The following SRGAP3 variants were observed in gnomAD, a reference collection of about 807,000 sequenced individuals.
SRGAP3 encodes the protein SLIT-ROBO Rho GTPase activating protein 3, also known as SLIT-ROBO Rho GTPase-activating protein 3.
SRGAP3 carries 39 observed loss-of-function variants against 121.1 expected under a neutral mutation model. The ratio of observed to expected loss-of-function variants is 0.32; its 90% confidence interval spans 0.25 to 0.42. SRGAP3 has a LOEUF of 0.42. Ranked by LOEUF, SRGAP3 falls within the 10% of genes least tolerant of loss-of-function variation. The pLI, the probability that SRGAP3 is intolerant of heterozygous loss-of-function variation, is 1.00. For synonymous variants in SRGAP3, 601 were observed against 570.0 expected (o/e 1.05, Z -0.77); for missense variants, 1,213 against 1,470.6 (o/e 0.82, Z 2.86).
At chr3:8,995,996 T>C (rs188981472) in intron 18 of SRGAP3, among the ~76,000 whole-genome samples, 4 of 152,334 alleles carry the variant, frequency 2.6e-5, no homozygotes, top group African/African-American at 9.6e-5. Flanking sequence ...TCTTCATCGA[T>C]CTATTCATCC....
At chr3:9,232,720 T>C (rs1953260349) in intron 1 of SRGAP3, among the ~76,000 whole-genome samples, 1 of 152,162 alleles carries the variant, frequency 6.6e-6, no homozygotes, top group South Asian at 2.1e-4. Context: ...AAATGCAGAT[T>C]CCCAGGGTCC....
At chr3:9,058,990 T>A (rs1219453745) in intron 6 of SRGAP3, 1 of 170,092 alleles carries the variant, frequency 5.9e-6, no homozygotes, top group Non-Finnish European at 1.3e-5. Context: ...AGTGCTCAGA[T>A]TACAAGCGTG....
chr3:9,142,640 A>G (rs1026894502), intron 1 of SRGAP3, among the ~76,000 whole-genome samples: 3 of 152,096 alleles, frequency 2.0e-5, no homozygotes, highest in Non-Finnish European at 4.4e-5. Flanking sequence ...TGCTCTGGCA[A>G]TAATTCTTTG....
In SRGAP3 at chr3:9,287,293, C is replaced by A. The variant is rs141541531; in HGVS notation, n.442+38717G>T. On this transcript the variant is annotated intron_variant and non_coding_transcript_variant, in intron 3 of 3. Transcript: ENST00000490889. ...AGGCGTGAACCACCACACCCCAGCACATTAACACTCTTTTGATCCTCATTT... is the reference window on the plus strand; with the variant it reads ...AGGCGTGAACCACCACACCCCAGCAAATTAACACTCTTTTGATCCTCATTT... 5.8e-4 allele frequency among the ~76,000 whole-genome samples: 88 copies of A among 152,226 alleles called. 3 individuals are homozygous for A. The highest frequency in any genetic ancestry group is 5.9e-5 in the Non-Finnish European group (4 of 68,002).
At chr3:9,179,524 T>C (rs1951301286) in intron 1 of SRGAP3, among the ~76,000 whole-genome samples, 1 of 152,066 alleles carries the variant, frequency 6.6e-6, no homozygotes, top group South Asian at 2.1e-4. Flanking sequence ...TCAGATGCCA[T>C]CACCAATGGA....
intron 1 of SRGAP3, among the ~76,000 whole-genome samples, chr3:9,135,623 C>T (rs1272224295): frequency 6.6e-6 from 1 of 152,254 alleles, no homozygotes; most frequent in Non-Finnish European, 1.5e-5. Context: ...CTTCTCTGAG[C>T]TGTCTTCGGA....
chr3:9,332,515 T>C (rs1164007441), intron 1 of SRGAP3, among the ~76,000 whole-genome samples: 3 of 152,202 alleles, frequency 2.0e-5, no homozygotes, highest in Non-Finnish European at 4.4e-5. Flanking sequence ...CCCTTCCAAA[T>C]GGACCAAAGG....
At chr3:9,072,879 G>C (rs1459562010) in intron 4 of SRGAP3, among the ~76,000 whole-genome samples, 3 of 152,198 alleles carry the variant, frequency 2.0e-5, no homozygotes, top group Non-Finnish European at 4.4e-5. Context: ...GTATCTTCTT[G>C]CATTGTTTAC....
chr3:9,310,146 C>A (rs1222474281), intron 3 of SRGAP3, among the ~76,000 whole-genome samples: 1 of 152,166 alleles, frequency 6.6e-6, no homozygotes, highest in African/African-American at 2.4e-5. Flanking sequence ...TAATCGGTAG[C>A]AGAGCCAAGT....
chr3:9,177,426 G>A (rs922399078), intron 1 of SRGAP3, among the ~76,000 whole-genome samples: 16 of 152,228 alleles, frequency 1.1e-4, no homozygotes, highest in Non-Finnish European at 2.9e-5. Context: ...AAGGAGCAGC[G>A]AGGAGGCCGG....
chr3:9,015,762 T>G (rs1943607399), intron 14 of SRGAP3, 31 bp from the exon 15 acceptor site: 1 of 1,613,614 alleles, frequency 6.2e-7, no homozygotes, highest in Admixed American at 1.7e-5. Context: ...AGATGATATT[T>G]CAGCTTGGGA....
chr3:9,162,247 T>C (rs1202552021), intron 1 of SRGAP3, among the ~76,000 whole-genome samples: 1 of 152,178 alleles, frequency 6.6e-6, no homozygotes, highest in Non-Finnish European at 1.5e-5. Flanking sequence ...TTGAATGTAC[T>C]TAATGCCACT....
chr3:9,350,879 C>A (rs543482584), intron 1 of SRGAP3, among the ~76,000 whole-genome samples: 2 of 152,318 alleles, frequency 1.3e-5, no homozygotes, highest in East Asian at 3.9e-4. Context: ...ACATAACAAA[C>A]TACCCCAAAA....
intron 1 of SRGAP3, among the ~76,000 whole-genome samples, chr3:9,142,888 A>T (rs1949907012): frequency 8.1e-6 from 1 of 123,094 alleles, no homozygotes; most frequent in South Asian, 2.6e-4. Flanking sequence ...CCCAGCCTGG[A>T]GTATAGTGGC....
At chr3:9,323,383 T>C (rs1320984720) in intron 3 of SRGAP3, among the ~76,000 whole-genome samples, 2 of 151,962 alleles carry the variant, frequency 1.3e-5, no homozygotes, top group Non-Finnish European at 1.5e-5. Context: ...TGTGTTAAAG[T>C]GAAATAAGAA....
Position 8,985,244 on chromosome 3 carries a change from A to C in SRGAP3, c.*275T>G. ...CGATATGCGGGAGAAGCCATGTGGTATTTTGCCTCCATGTTAGGGAATGCT... is the reference window on the plus strand; with the variant it reads ...CGATATGCGGGAGAAGCCATGTGGTCTTTTGCCTCCATGTTAGGGAATGCT... On this transcript the variant is annotated 3_prime_UTR_variant, in exon 22 of 22. Coordinates refer to ENST00000383836, the MANE Select transcript of SRGAP3 (RefSeq NM_014850.4). The surrounding 1 kb of genome is among the most constrained non-coding windows in gnomAD (Gnocchi z 5.1). 2 of 544,952 alleles carry C rather than the reference A, an allele frequency of 3.7e-6. No homozygotes were observed. Among genetic ancestry groups the C allele is most frequent in the Admixed American group, 3.6e-5 (1 of 28,066 alleles). 33.8% of individuals were successfully genotyped at this position (544,952 alleles called of 1,614,324 possible). A position where few individuals can be genotyped will look rare whatever the true frequency, so the allele number is the denominator to read the frequency against.
chr3:9,016,518 G>A (rs1465674724), intron 14 of SRGAP3, among the ~76,000 whole-genome samples: 2 of 152,162 alleles, frequency 1.3e-5, no homozygotes, highest in African/African-American at 4.8e-5. Context: ...AGGCACGTAC[G>A]TCAGGCTGTC....
intron 21 of SRGAP3, among the ~76,000 whole-genome samples, chr3:8,987,031 G>T (rs1195546648): frequency 6.6e-6 from 1 of 152,254 alleles, no homozygotes; most frequent in Non-Finnish European, 1.5e-5. Context: ...TGAGTAAAAA[G>T]AATCTGTGGC....
intron 3 of SRGAP3, among the ~76,000 whole-genome samples, chr3:9,317,334 G>A (rs562671903): frequency 2.0e-5 from 3 of 152,132 alleles, no homozygotes; most frequent in Admixed American, 6.5e-5. Flanking sequence ...CTACAAAATC[G>A]TTCCCTGTGA....
Sources: gnomAD v4.1 joint callset for allele counts (sites outside exome capture counted in the v4.1 genomes callset) on GRCh38, gnomAD v4.1.1 for gene constraint, Gnocchi (gnomAD v3.1) non-coding constraint, MANE v1.5 for transcripts, NCBI Gene and HGNC (gene_info 2026-07-23, HGNC 2026-07-21) for gene names.